Variants in RAB10 observed in about 807,000 individuals in gnomAD.
RAB10 encodes RAB10, member RAS oncogene family, also known as ras-related protein Rab-10.
A neutral mutation model predicts 25.7 loss-of-function variants in RAB10; 5 were observed. The ratio of observed to expected loss-of-function variants is 0.19; its 90% CI spans 0.10 to 0.41. The LOEUF is 0.41. Ranked by LOEUF, RAB10 falls within the 10% of genes least tolerant of loss-of-function variation. The pLI is 1.00. For synonymous variants in RAB10, 89 were observed against 86.4 expected (o/e 1.03, Z -0.16); for missense variants, 103 against 245.8 (o/e 0.42, Z 3.89).
intron 1 of RAB10, among the ~76,000 whole-genome samples, chr2:26,056,879 C>T (rs994556526): frequency 6.6e-6 from 1 of 152,068 alleles, no homozygotes; most frequent in Non-Finnish European, 1.5e-5. Context: ...CCTCTTGCCT[C>T]CTAAAGTGCT....
At chr2:26,064,680 A>G (rs935163895) in intron 1 of RAB10, among the ~76,000 whole-genome samples, 16 of 152,126 alleles carry the variant, frequency 1.1e-4, no homozygotes, top group Non-Finnish European at 2.1e-4. Flanking sequence ...AAAATGAACA[A>G]ATTATTCAAC....
chr2:26,038,184 CT>C (rs973475827), intron 1 of RAB10, among the ~76,000 whole-genome samples: 1 of 150,880 alleles, frequency 6.6e-6, no homozygotes, highest in African/African-American at 2.4e-5. Flanking sequence ...CCACACTGCC[CT>C]CCTTTGTTTG....
chr2:26,039,949 A>T (rs958969844), intron 1 of RAB10, among the ~76,000 whole-genome samples: 36 of 152,016 alleles, frequency 2.4e-4, no homozygotes, highest in African/African-American at 8.5e-4. Context: ...TTCTACATGG[A>T]TGTATATTAT....
At chr2:26,054,590 G>T (rs1456397746) in intron 1 of RAB10, among the ~76,000 whole-genome samples, 2 of 152,160 alleles carry the variant, frequency 1.3e-5, no homozygotes, top group African/African-American at 4.8e-5. Flanking sequence ...TGCTATGGAA[G>T]GTAAATATAA....
At position 26,121,681 on chromosome 2, in the gene RAB10, A is replaced by T. The variant is rs115428188; in HGVS notation, c.328-5463A>T. 1.8e-3 allele frequency among the ~76,000 whole-genome samples: 275 copies of T among 152,316 alleles called. 2 individuals are homozygous for T. Among genetic ancestry groups the T allele is most frequent in the African/African-American group, 6.4e-3 (267 of 41,560 alleles). ...TATTACTACCATAAAACATACACAG[A>T]TCTATTATTAAAAGTTTAAATTTAT... On this transcript the variant is annotated intron_variant, in intron 3 of 5. Transcript: ENST00000264710.
At chr2:26,059,901 T>C (rs541085079) in intron 1 of RAB10, among the ~76,000 whole-genome samples, 1 of 152,354 alleles carries the variant, frequency 6.6e-6, no homozygotes, top group African/African-American at 2.4e-5. Flanking sequence ...TTTAATAGCT[T>C]TGATGTGTTT....
intron 5 of RAB10, among the ~76,000 whole-genome samples, chr2:26,128,372 G>A (rs565753140): frequency 1.2e-4 from 18 of 152,254 alleles, no homozygotes; most frequent in South Asian, 4.2e-4. Flanking sequence ...GCCACGGACC[G>A]GTAAGAGTCC....
chr2:26,127,403 AT>A, intron 4 of RAB10, 170 bp downstream of exon 4: 1 of 581,342 alleles, frequency 1.7e-6, no homozygotes, highest in Non-Finnish European at 3.0e-6. Flanking sequence ...TTCAGTGCAT[AT>A]TTAACATGTA....
chr2:26,058,179 C>T lies in RAB10; in HGVS notation c.127+23444C>T, dbSNP rs374671420. On this transcript the variant is annotated intron_variant, in intron 1 of 5. Transcript: ENST00000264710. Reference sequence around the variant, plus strand: ...ATTTCCCTGCTTCTCATTATCTCCGCTGCTACCAGCCTGGTCCATGACACC... The same window carrying T: ...ATTTCCCTGCTTCTCATTATCTCCGTTGCTACCAGCCTGGTCCATGACACC... Among the ~76,000 whole-genome samples, 123 of 152,288 alleles carry T rather than the reference C, an allele frequency of 8.1e-4. 5 individuals carry two copies. The South Asian group carries it at 0.026, about 32-fold the overall frequency.
At chr2:26,037,947 T>C (rs546247492) in intron 1 of RAB10, among the ~76,000 whole-genome samples, 21 of 151,608 alleles carry the variant, frequency 1.4e-4, no homozygotes, top group Non-Finnish European at 2.6e-4. Flanking sequence ...AGTGCAATGG[T>C]GTGATCTCGG....
chr2:26,111,303 T>C (rs896304404), intron 3 of RAB10, among the ~76,000 whole-genome samples: 14 of 152,192 alleles, frequency 9.2e-5, no homozygotes, highest in African/African-American at 3.4e-4. Context: ...TTAATAATTA[T>C]TTAAAGATAC....
rs987500772 is a variant in RAB10 at position 26,136,870 on chromosome 2, C to G, written c.*1849C>G. 1.3e-5 allele frequency: 2 copies of G among 152,532 alleles called. No homozygotes were observed. Among genetic ancestry groups the G allele is most frequent in the Non-Finnish European group, 2.9e-5 (2 of 67,986 alleles). 9.4% of individuals were successfully genotyped at this position (152,532 alleles called of 1,614,324 possible). ...CACTTGACTTTATCATTGTTTACTA[C>G]TAGTAAAAAGCAGCATTGCCAAATA... On this transcript the variant is annotated 3_prime_UTR_variant, in exon 6 of 6. Transcript: ENST00000264710.
At chr2:26,115,743 A>G (rs1291475374) in intron 3 of RAB10, among the ~76,000 whole-genome samples, 7 of 152,236 alleles carry the variant, frequency 4.6e-5, no homozygotes, top group Non-Finnish European at 7.3e-5. Context: ...TGTAAATTAT[A>G]AACTCAAAAC....
At chr2:26,096,553 T>C (rs952138657) in intron 1 of RAB10, among the ~76,000 whole-genome samples, 3 of 152,226 alleles carry the variant, frequency 2.0e-5, no homozygotes, top group Admixed American at 6.5e-5. Flanking sequence ...TAACTTCTTT[T>C]CTACTCTGTC....
rs80037778 is a variant in RAB10 at position 26,048,993 on chromosome 2, C to T, written c.127+14258C>T. ...AGGGCAAACATTTGGAACTTTGATG[C>T]GGTCCAATTTATAAATCATGCTTTT... On this transcript the variant is annotated intron_variant, in intron 1 of 5. Coordinates refer to ENST00000264710, the MANE Select transcript of RAB10 (RefSeq NM_016131.5). 4.2e-3 allele frequency among the ~76,000 whole-genome samples: 645 copies of T among 152,232 alleles called. 3 individuals are homozygous for T. Among genetic ancestry groups the T allele is most frequent in the African/African-American group, 0.014 (593 of 41,536 alleles).
chr2:26,084,009 A>G (rs1216027129), intron 1 of RAB10, among the ~76,000 whole-genome samples: 1 of 152,220 alleles, frequency 6.6e-6, no homozygotes, highest in Non-Finnish European at 1.5e-5. Flanking sequence ...AGAGAGCTAT[A>G]CCGTATTCAT....
intron 1 of RAB10, among the ~76,000 whole-genome samples, chr2:26,056,390 G>A (rs1666266802): frequency 6.6e-6 from 1 of 151,602 alleles, no homozygotes. Flanking sequence ...GTAGATAGTG[G>A]GTTTCACCTT....
rs1212667172 is a variant in RAB10 at position 26,108,879 on chromosome 2, A to ATTTT, written c.189-888_189-887insTTTT. Reference sequence around the variant, plus strand: ...GGTTGAGATTGGGGTCTTTTGCTTTATATTTATTTATTTATTTATTTATTT... The same window carrying ATTTT: ...GGTTGAGATTGGGGTCTTTTGCTTTATTTTTATTTATTTATTTATTTATTTATTT... On this transcript the variant is annotated intron_variant, in intron 2 of 5. Transcript: ENST00000264710. 8.6e-3 allele frequency among the ~76,000 whole-genome samples: 1,199 copies of ATTTT among 139,632 alleles called. 15 individuals carry two copies. Among genetic ancestry groups the ATTTT allele is most frequent in the South Asian group, 0.024 (104 of 4,408 alleles). The allele number at this position is 139,632 out of a possible 152,430, so 91.6% of individuals were successfully genotyped here.
intron 1 of RAB10, among the ~76,000 whole-genome samples, chr2:26,075,168 T>C (rs35224700): frequency 0.14 from 21,887 of 152,158 alleles, 1,942 homozygotes; most frequent in Middle Eastern, 0.24. Context: ...GTGAGATAAG[T>C]TGAAGGTAAA....
Sources: gnomAD v4.1 joint callset for allele counts (sites outside exome capture counted in the v4.1 genomes callset) on GRCh38, gnomAD v4.1.1 for gene constraint, MANE v1.5 for transcripts, NCBI Gene and HGNC (gene_info 2026-07-23, HGNC 2026-07-21) for gene names.